The following ABCB11 variants were observed in gnomAD, a reference collection of about 807,000 sequenced individuals.
ABCB11 encodes the protein bile salt export pump.
ABCB11 carries 95 observed loss-of-function variants against 148.0 expected under a neutral mutation model. That is an observed-to-expected ratio of 0.64 (90% CI 0.54 to 0.76). The LOEUF is 0.76. ABCB11 is among the 30% of genes least tolerant of loss of function. The pLI, the probability that ABCB11 is intolerant of heterozygous loss-of-function variation, is 0.00. For missense variants in ABCB11, 1,523 were observed against 1,617.8 expected (o/e 0.94, Z 1.01); for synonymous variants, 591 against 555.4 (o/e 1.06, Z -0.90).
In ABCB11 at chr2:168,923,681, G is replaced by A. The variant is rs1691171387; in HGVS notation, c.3907C>T (p.Leu1303=). 1.9e-6 allele frequency: 3 copies of A among 1,613,814 alleles called. No homozygotes were observed. The highest frequency in any genetic ancestry group is 2.5e-6 in the Non-Finnish European group (3 of 1,179,862). Residue 1303 remains leucine (L), a synonymous_variant, in exon 28 of 28, where the codon CTG becomes TTG. Transcript: ENST00000650372. The part of the protein sequence containing the change: ...VVIEKGTHEE[L]MAQKGAYYKL... The stretch of plus-strand genomic sequence containing the variant: ...TAGTAGGCTCCTTTTTGGGCCATCA[G>A]TTCTTCATGGGTCCCCTTTTCAATC...
Position 168,976,699 on chromosome 2 carries a change from TAC to T in ABCB11, c.1198-14_1198-13del, listed in dbSNP as rs775818988. On this transcript the variant is annotated splice_polypyrimidine_tract_variant and intron_variant, in intron 11 of 27. Coordinates refer to ENST00000650372, the MANE Select transcript of ABCB11 (RefSeq NM_003742.4). ...TCAATGATGGGTTTCTGGAGTGAAATACAAAAGGGACACAGTGTAAACTCAAA... is the reference window on the plus strand; with the variant it reads ...TCAATGATGGGTTTCTGGAGTGAAATAAAAGGGACACAGTGTAAACTCAAA... 6 of 1,535,588 alleles carry T rather than the reference TAC, an allele frequency of 3.9e-6. No homozygotes were observed. The highest frequency in any genetic ancestry group is 5.4e-6 in the Non-Finnish European group (6 of 1,109,464).
intron 6 of ABCB11, 64 bp from the exon 7 acceptor site, chr2:168,995,546 C>T: frequency 6.5e-7 from 1 of 1,530,150 alleles, no homozygotes; most frequent in Non-Finnish European, 8.8e-7. Flanking sequence ...TTTCTTTTTT[C>T]AGAAGAAAGT....
At position 169,016,846 on chromosome 2, in the gene ABCB11, C is replaced by T. The variant is rs555566056; in HGVS notation, c.77-47G>A. 3.5e-6 allele frequency: 5 copies of T among 1,416,496 alleles called. No individual in the cohort carries two copies. In the South Asian group the frequency reaches 5.1e-5, roughly 14 times the overall value. 87.7% of individuals were successfully genotyped at this position (1,416,496 alleles called of 1,614,324 possible). On this transcript the variant is annotated intron_variant, in intron 2 of 27. Coordinates refer to ENST00000650372, the MANE Select transcript of ABCB11 (RefSeq NM_003742.4). ...GCAAAAAAGCAGTTAATAATAATGA[C>T]AAAATGCAACGCAGTCATTAAGAAA...
chr2:168,986,196 T>A lies in ABCB11; in HGVS notation c.997A>T (p.Ile333Phe), dbSNP rs1386305137. ...GFFTGFVWCL[I>F]FLCYALAFWY... ...AAGGCCAGTGCATAACACAAAAAGA[T>A]GAGACACCACACGAATCCAGTAAAG... The change falls in exon 10 of 28, where the codon ATC becomes TTC. Residue 333 changes from isoleucine (I) to phenylalanine (F), a missense_variant. By Grantham distance (21) the Ile-to-Phe change is conservative. Coordinates refer to ENST00000650372, the MANE Select transcript of ABCB11 (RefSeq NM_003742.4). The A allele has an allele frequency of 1.1e-5, 17 of 1,613,194 alleles. No individual in the cohort carries two copies. Among genetic ancestry groups the A allele is most frequent in the African/African-American group, 1.3e-5 (1 of 74,868 alleles).
intron 1 of ABCB11, among the ~76,000 whole-genome samples, 197 bp from the exon 2 acceptor site, chr2:169,018,349 G>A (rs932344022): frequency 6.6e-6 from 1 of 152,188 alleles, no homozygotes; most frequent in African/African-American, 2.4e-5. Context: ...ATTGATAAAG[G>A]TTTTCTCTAG....
At chr2:169,002,153 G>C (rs1694895342) in intron 5 of ABCB11, among the ~76,000 whole-genome samples, 1 of 152,046 alleles carries the variant, frequency 6.6e-6, no homozygotes, top group South Asian at 2.1e-4. Context: ...TTAAAAACTT[G>C]TTACTAGAGA....
At position 168,993,768 on chromosome 2, in the gene ABCB11, G is replaced by C; in HGVS notation, c.726C>G (p.Thr242=). 6.2e-7 allele frequency: 1 copy of C among 1,610,668 alleles called. No individual in the cohort carries two copies. Among genetic ancestry groups the C allele is most frequent in the Non-Finnish European group, 8.5e-7 (1 of 1,178,312 alleles). The change falls in exon 8 of 28, where the codon ACC becomes ACG. Residue 242 remains threonine (T), a synonymous_variant. Transcript: ENST00000650372. ...GAGGGCTGACAGAAATAATAACCAA[G>C]GTCAGTTTCCAACCCCTGAAAAATC... The part of the protein sequence containing the change: ...LLGFFRGWKL[T]LVIISVSPLI...
Position 168,944,869 on chromosome 2 carries a change from G to A in ABCB11, c.2436C>T (p.Thr812=). The change falls in exon 20 of 28, where the codon ACC becomes ACT. Residue 812 remains threonine, a synonymous_variant. Coordinates refer to ENST00000650372, the MANE Select transcript of ABCB11 (RefSeq NM_003742.4). Reference sequence around the variant, plus strand: ...TAACATTTCTTACCTGTAGAAATTGGGTGAAAAGAGATACACAGCCCATTG... The same window carrying A: ...TAACATTTCTTACCTGTAGAAATTGAGTGAAAAGAGATACACAGCCCATTG... ...FVAMGCVSLF[T]QFLQGYAFAK... 1 of 1,587,500 alleles carries A rather than the reference G, an allele frequency of 6.3e-7. No homozygotes were observed. Among genetic ancestry groups the A allele is most frequent in the Non-Finnish European group, 8.6e-7 (1 of 1,165,598 alleles).
intron 8 of ABCB11, among the ~76,000 whole-genome samples, chr2:168,993,501 T>G (rs561233206): frequency 6.6e-6 from 1 of 152,222 alleles, no homozygotes; most frequent in Admixed American, 6.5e-5. Context: ...GTAATTGCTG[T>G]TAATAAAACA....
In ABCB11 at chr2:168,920,847, C is replaced by T. The variant is rs1330711941; in HGVS notation, c.*2775G>A. Reference sequence around the variant, plus strand: ...GAAGTTGTAATCTTCTCCTTTGTCACTGAGCCTCAATTATTTCCCCAATTT... The same window carrying T: ...GAAGTTGTAATCTTCTCCTTTGTCATTGAGCCTCAATTATTTCCCCAATTT... On this transcript the variant is annotated 3_prime_UTR_variant, in exon 28 of 28. Coordinates refer to ENST00000650372, the MANE Select transcript of ABCB11 (RefSeq NM_003742.4). Among the ~76,000 whole-genome samples, 1 of 152,178 alleles carries T rather than the reference C, an allele frequency of 6.6e-6. No individual in the cohort carries two copies. The highest frequency in any genetic ancestry group is 1.5e-5 in the Non-Finnish European group (1 of 68,030).
rs148554836 is a variant in ABCB11, at chr2:169,018,636, G to T, written c.-27-484C>A. On this transcript the variant is annotated intron_variant, in intron 1 of 27. Transcript: ENST00000650372. ...CTCAAGGTAAGGTGAGTCAAGCTTG[G>T]ATCAAAGGAACAGAAGGAAGACATT... 1.8e-3 allele frequency among the ~76,000 whole-genome samples: 281 copies of T among 152,194 alleles called. 1 individual carries two copies. Among genetic ancestry groups the T allele is most frequent in the Non-Finnish European group, 3.2e-3 (218 of 68,012 alleles).
At chr2:168,941,718 C>T (rs1692067123) in intron 21 of ABCB11, among the ~76,000 whole-genome samples, 2 of 152,158 alleles carry the variant, frequency 1.3e-5, no homozygotes, top group South Asian at 4.1e-4. Flanking sequence ...ACAAATAAAT[C>T]TTTCATGAGA....
chr2:168,998,644 G>A (rs1487487393), intron 5 of ABCB11, among the ~76,000 whole-genome samples: 2 of 152,072 alleles, frequency 1.3e-5, no homozygotes, highest in Non-Finnish European at 2.9e-5. Context: ...TACAAGCACT[G>A]TAAGCGGAAG....
chr2:168,974,975 C>T (rs1379287141), intron 12 of ABCB11, among the ~76,000 whole-genome samples: 1 of 146,226 alleles, frequency 6.8e-6, no homozygotes, highest in East Asian at 2.0e-4. Flanking sequence ...TAGAGATATA[C>T]ACTTATATTT....
intron 2 of ABCB11, among the ~76,000 whole-genome samples, chr2:169,017,294 A>T (rs1695392889): frequency 6.6e-6 from 1 of 152,154 alleles, no homozygotes; most frequent in Admixed American, 6.6e-5. Flanking sequence ...TTGAGACCAC[A>T]TACTGTTTTC....
intron 1 of ABCB11, among the ~76,000 whole-genome samples, chr2:169,028,155 C>A (rs920400442): frequency 1.3e-4 from 19 of 151,962 alleles, no homozygotes; most frequent in African/African-American, 4.6e-4. Context: ...ACTGTGAGAT[C>A]AGTTCAGGGC....
At position 168,957,999 on chromosome 2, in the gene ABCB11, G is replaced by T. The variant is rs1358017327; in HGVS notation, c.2308C>A (p.Pro770Thr). 3 of 1,605,474 alleles carry T rather than the reference G, an allele frequency of 1.9e-6. No individual in the cohort carries two copies. Among genetic ancestry groups the T allele is most frequent in the African/African-American group, 2.7e-5 (2 of 74,576 alleles). The change falls in exon 19 of 28, where the codon CCC becomes ACC. Residue 770 changes from proline to threonine, a missense_variant. Pro to Thr is a conservative substitution (Grantham distance 38, BLOSUM62 -1). Transcript: ENST00000650372. ...VGAAVNGTVT[P>T]LYAFLFSQIL... Reference sequence around the variant, plus strand: ...TGGCTGAATAAAAAGGCATACAAGGGTGTGACTGTCCCGTTCACAGCTGCA... The same window carrying T: ...TGGCTGAATAAAAAGGCATACAAGGTTGTGACTGTCCCGTTCACAGCTGCA...
intron 5 of ABCB11, among the ~76,000 whole-genome samples, chr2:168,999,861 T>C (rs569692181): frequency 1.6e-4 from 24 of 152,134 alleles, no homozygotes; most frequent in Non-Finnish European, 3.4e-4. Flanking sequence ...TGCTGAGTCA[T>C]ATGGTAGTTG....
chr2:169,013,472 A>G lies in ABCB11; in HGVS notation c.189T>C (p.Phe63=), dbSNP rs772083256. 1 of 1,613,710 alleles carries G rather than the reference A, an allele frequency of 6.2e-7. No individual in the cohort carries two copies. Among genetic ancestry groups the G allele is most frequent in the Admixed American group, 1.7e-5 (1 of 59,956 alleles). ...FSSSTDIWLM[F]VGSLCAFLHG... ...GGAGAAATGCACACAAACTTCCCAC[A>G]AACATCAGCCAAATGTCAGTTGATG... Residue 63 remains phenylalanine, a synonymous_variant, in exon 5 of 28, where the codon TTT becomes TTC. Transcript: ENST00000650372.
Sources: gnomAD v4.1 joint callset for allele counts (sites outside exome capture counted in the v4.1 genomes callset) on GRCh38, gnomAD v4.1.1 for gene constraint, MANE v1.5 for transcripts, NCBI Gene and HGNC (gene_info 2026-07-23, HGNC 2026-07-21) for gene names.